The following C1RL variants were observed in gnomAD, a reference collection of about 807,000 sequenced individuals.
The protein encoded by C1RL is complement C1r subcomponent-like protein.
C1RL carries 27 observed loss-of-function variants against 27.9 expected under a neutral mutation model. The observed-to-expected ratio is 0.97, with a 90% CI of 0.71 to 1.33. C1RL has a LOEUF of 1.33. Ranked by LOEUF, C1RL falls within the 40% of genes most tolerant of loss-of-function variation. The probability of loss-of-function intolerance (pLI) is 0.00; values close to 1 mark genes in which losing one functional copy is unlikely to be tolerated. For missense variants in C1RL, 563 were observed against 623.9 expected (o/e 0.90, Z 1.04); for synonymous variants, 248 against 252.1 (o/e 0.98, Z 0.15).
Position 7,095,570 on chromosome 12 carries a change from G to C in C1RL, c.*821C>G, listed in dbSNP as rs1189970886. 1 of 985,866 alleles carries C rather than the reference G, an allele frequency of 1.0e-6. No individual in the cohort carries two copies. The highest frequency in any genetic ancestry group is 1.2e-6 in the Non-Finnish European group (1 of 830,300). 61.1% of individuals were successfully genotyped at this position (985,866 alleles called of 1,614,324 possible). ...GGAGATGGGGCCATTAGGAAAGTGT[G>C]AGCTAGAGGATACCATTTTCGCAGA... On this transcript the variant is annotated 3_prime_UTR_variant, in exon 6 of 6. Coordinates refer to ENST00000266542, the MANE Select transcript of C1RL (RefSeq NM_016546.4).
intron 5 of C1RL, among the ~76,000 whole-genome samples, chr12:7,098,888 T>C (rs932348296): frequency 6.6e-6 from 1 of 152,024 alleles, no homozygotes; most frequent in Non-Finnish European, 1.5e-5. Flanking sequence ...TAAACATTAC[T>C]GGATTGTACT....
intron 5 of C1RL, among the ~76,000 whole-genome samples, chr12:7,097,490 C>T (rs945848798): frequency 1.3e-5 from 2 of 152,004 alleles, no homozygotes; most frequent in African/African-American, 4.8e-5. Context: ...ATCATGTGGG[C>T]CAGGCTGGTC....
intron 1 of C1RL, chr12:7,108,861 C>G: frequency 1.8e-6 from 1 of 553,222 alleles, no homozygotes; most frequent in Non-Finnish European, 3.2e-6. Flanking sequence ...TATCCCCCGA[C>G]CACCCTCTGG....
chr12:7,096,834 C>A lies in C1RL; in HGVS notation c.1021G>T (p.Ala341Ser). 1 of 1,603,422 alleles carries A rather than the reference C, an allele frequency of 6.2e-7. No homozygotes were observed. Among genetic ancestry groups the A allele is most frequent in the Non-Finnish European group, 8.5e-7 (1 of 1,173,968 alleles). The change falls in exon 6 of 6, where the codon GCC becomes TCC. Residue 341 changes from alanine (A) to serine (S), a missense_variant. Ala to Ser is a moderately conservative substitution (Grantham distance 99). Transcript: ENST00000266542. ...ATGCTGTGCTGCAGCTCCAGGAGGG[C>A]GATGTCCCCGCTAAAGTTATGGGAC... ...NESHNFSGDI[A>S]LLELQHSIPL... is the part of the protein sequence containing the mutation.
Position 7,096,615 on chromosome 12 carries a change from C to A in C1RL, c.1240G>T (p.Val414Leu). 1 of 1,614,164 alleles carries A rather than the reference C, an allele frequency of 6.2e-7. No individual in the cohort carries two copies. Among genetic ancestry groups the A allele is most frequent in the Admixed American group, 1.7e-5 (1 of 60,016 alleles). Residue 414 changes from valine to leucine, a missense_variant, in exon 6 of 6, where the codon GTG becomes TTG. Physicochemically the swap from Val to Leu is conservative, Grantham distance 32. Coordinates refer to ENST00000266542, the MANE Select transcript of C1RL (RefSeq NM_016546.4). ...ACACAGAACATATTGTCAGAAAACA[C>A]CTCGGGTCTCTGTCTCTTTTGGAGC... ...AWLQKRQRPEVFSDNMFCVGD... is the reference protein window; with the variant it reads ...AWLQKRQRPELFSDNMFCVGD...
intron 2 of C1RL, among the ~76,000 whole-genome samples, chr12:7,106,431 C>T (rs548816065): frequency 9.2e-5 from 14 of 151,612 alleles, no homozygotes; most frequent in Non-Finnish European, 2.1e-4. Context: ...GAGAGTAAAC[C>T]AAAAAAGAGA....
chr12:7,098,095 G>A (rs1315086750), intron 5 of C1RL, among the ~76,000 whole-genome samples: 3 of 151,010 alleles, frequency 2.0e-5, no homozygotes, highest in African/African-American at 7.3e-5. Context: ...GTGAAACCCC[G>A]TCTCTACTAA....
At chr12:7,097,671 C>A (rs988554645) in intron 5 of C1RL, among the ~76,000 whole-genome samples, 2 of 152,158 alleles carry the variant, frequency 1.3e-5, no homozygotes, top group African/African-American at 4.8e-5. Flanking sequence ...GTACGGGGCA[C>A]CCATCCTGCA....
At position 7,096,280 on chromosome 12, in the gene C1RL, T is replaced by TGGCCCCCCCCC; in HGVS notation, c.*110_*111insGGGGGGGGGCC. On this transcript the variant is annotated 3_prime_UTR_variant, in exon 6 of 6. Coordinates refer to ENST00000266542, the MANE Select transcript of C1RL (RefSeq NM_016546.4). ...GTGATGTGAATAGGATTTCCCTGCC[T>TGGCCCCCCCCC]CCCCCAACCCCCCACCCCCAACCCC... The TGGCCCCCCCCC allele has an allele frequency of 4.0e-6, 4 of 992,710 alleles. No homozygotes were observed. Among genetic ancestry groups the TGGCCCCCCCCC allele is most frequent in the Non-Finnish European group, 3.6e-6 (3 of 832,220 alleles). The allele number at this position is 992,710 out of a possible 1,614,324, so 61.5% of individuals were successfully genotyped here.
chr12:7,094,795 A>G lies in C1RL; in HGVS notation c.*1596T>C, dbSNP rs1938379154. 3 of 951,394 alleles carry G rather than the reference A, an allele frequency of 3.2e-6. No individual in the cohort carries two copies. The highest frequency in any genetic ancestry group is 1.3e-6 in the Non-Finnish European group (1 of 799,050). 58.9% of individuals were successfully genotyped at this position (951,394 alleles called of 1,614,324 possible). On this transcript the variant is annotated 3_prime_UTR_variant, in exon 6 of 6. Coordinates refer to ENST00000266542, the MANE Select transcript of C1RL (RefSeq NM_016546.4). Reference sequence around the variant, plus strand: ...GGTTTCACTATGTTGCTTAGGCTGGACTTCAACTCCTGGGCTCAAGCGATC... The same window carrying G: ...GGTTTCACTATGTTGCTTAGGCTGGGCTTCAACTCCTGGGCTCAAGCGATC...
Position 7,095,491 on chromosome 12 carries a change from G to T in C1RL, c.*900C>A. ...CAGTTCCCCTGATGATAGGGGCACA[G>T]GTGGGGTGTCTGCAAGAACTTCAGT... On this transcript the variant is annotated 3_prime_UTR_variant, in exon 6 of 6. Coordinates refer to ENST00000266542, the MANE Select transcript of C1RL (RefSeq NM_016546.4). 1.0e-6 allele frequency: 1 copy of T among 989,044 alleles called. No individual in the cohort carries two copies. Among genetic ancestry groups the T allele is most frequent in the Non-Finnish European group, 1.2e-6 (1 of 831,954 alleles). 61.3% of individuals were successfully genotyped at this position (989,044 alleles called of 1,614,324 possible).
chr12:7,107,447 G>A (rs1938798910), intron 2 of C1RL, among the ~76,000 whole-genome samples: 1 of 152,034 alleles, frequency 6.6e-6, no homozygotes, highest in Non-Finnish European at 1.5e-5. Flanking sequence ...TGGGACTACA[G>A]ACATGAGCTA....
intron 2 of C1RL, among the ~76,000 whole-genome samples, chr12:7,103,832 G>A (rs1489048467): frequency 2.0e-5 from 3 of 152,182 alleles, no homozygotes; most frequent in Non-Finnish European, 4.4e-5. Context: ...CAAGAAAAAA[G>A]GCCAGGATTA....
intron 2 of C1RL, among the ~76,000 whole-genome samples, chr12:7,106,519 C>A (rs749287559): frequency 6.6e-6 from 1 of 152,072 alleles, no homozygotes; most frequent in Non-Finnish European, 1.5e-5. Context: ...GAATGTGTGA[C>A]GGCTTAGAGA....
At chr12:7,098,645 A>G (rs1021121069) in intron 5 of C1RL, among the ~76,000 whole-genome samples, 9 of 152,252 alleles carry the variant, frequency 5.9e-5, no homozygotes, top group African/African-American at 1.9e-4. Flanking sequence ...TGAAATACTG[A>G]TGGATGCTAT....
intron 2 of C1RL, among the ~76,000 whole-genome samples, chr12:7,105,968 T>C (rs889697027): frequency 6.6e-6 from 1 of 152,028 alleles, no homozygotes; most frequent in Non-Finnish European, 1.5e-5. Context: ...AGCTGAATTA[T>C]AGGAGAAAGA....
Position 7,095,476 on chromosome 12 carries a change from G to A in C1RL, c.*915C>T. 4 of 991,346 alleles carry A rather than the reference G, an allele frequency of 4.0e-6. No individual in the cohort carries two copies. The highest frequency in any genetic ancestry group is 4.8e-6 in the Non-Finnish European group (4 of 833,210). The allele number at this position is 991,346 out of a possible 1,614,324, so 61.4% of individuals were successfully genotyped here. A position where few individuals can be genotyped will look rare whatever the true frequency, so the allele number is the denominator to read the frequency against. ...TCCTCTCAGGTGGAGCAGTTCCCCTGATGATAGGGGCACAGGTGGGGTGTC... is the reference window on the plus strand; with the variant it reads ...TCCTCTCAGGTGGAGCAGTTCCCCTAATGATAGGGGCACAGGTGGGGTGTC... On this transcript the variant is annotated 3_prime_UTR_variant, in exon 6 of 6. Coordinates refer to ENST00000266542, the MANE Select transcript of C1RL (RefSeq NM_016546.4).
rs1383749107 is a variant in C1RL at position 7,101,780 on chromosome 12, G to A, written c.490+118C>T. On this transcript the variant is annotated intron_variant, in intron 3 of 5. Coordinates refer to ENST00000266542, the MANE Select transcript of C1RL (RefSeq NM_016546.4). ...AGGGGCAGGGCTGGGATCCAGCCCA[G>A]GTGTCCCTGAGTCCCCAGCCTCAGC... 4.6e-6 allele frequency: 5 copies of A among 1,077,012 alleles called. No individual in the cohort carries two copies. In the African/African-American group the frequency reaches 7.7e-5, roughly 17 times the overall value. 66.7% of individuals were successfully genotyped at this position (1,077,012 alleles called of 1,614,324 possible).
At position 7,095,124 on chromosome 12, in the gene C1RL, T is replaced by C; in HGVS notation, c.*1267A>G. 1.6e-6 allele frequency: 2 copies of C among 1,247,784 alleles called. No homozygotes were observed. Among genetic ancestry groups the C allele is most frequent in the African/African-American group, 1.6e-5 (1 of 62,642 alleles). The allele number at this position is 1,247,784 out of a possible 1,614,324, so 77.3% of individuals were successfully genotyped here. A position where few individuals can be genotyped will look rare whatever the true frequency, so the allele number is the denominator to read the frequency against. ...TCACTGTAAATCACCTCCAATCTTT[T>C]TTTTTTGGGGGGGATGAAGTCTTGG... On this transcript the variant is annotated 3_prime_UTR_variant, in exon 6 of 6. Transcript: ENST00000266542.
Sources: allele counts gnomAD v4.1 joint callset (sites outside exome capture counted in the v4.1 genomes callset), GRCh38; gene constraint gnomAD v4.1.1; transcripts MANE v1.5; gene names NCBI Gene and HGNC (gene_info 2026-07-23, HGNC 2026-07-21).